CELF2: variants seen among roughly 807,000 people sequenced by gnomAD.
CELF2 encodes the protein CUG triplet repeat RNA-binding protein 2.
In CELF2, 8 loss-of-function variants were observed where a neutral mutation model predicts 62.6. The ratio of observed to expected loss-of-function variants is 0.13; its 90% CI spans 0.07 to 0.23. The LOEUF (loss-of-function observed/expected upper bound fraction) is 0.23, where lower values mean the gene tolerates loss of function less well. Among genes scored for constraint, CELF2 ranks in the 10% least tolerant of loss-of-function variants. CELF2 has a pLI of 1.00. For synonymous variants in CELF2, 258 were observed against 250.0 expected (o/e 1.03, Z -0.30); for missense variants, 333 against 671.0 (o/e 0.50, Z 5.56).
chr10:11,007,242 A>G (rs1376774059), intron 1 of CELF2, among the ~76,000 whole-genome samples: 1 of 152,194 alleles, frequency 6.6e-6, no homozygotes, highest in Non-Finnish European at 1.5e-5. Context: ...AATATTCCCT[A>G]TTGGATTATA....
chr10:10,618,686 G>A, the CELF2 span, among the ~76,000 whole-genome samples: 591 of 152,218 alleles, frequency 3.9e-3, 7 homozygotes, highest in African/African-American at 0.013. Flanking sequence ...AAGCAGCATC[G>A]TTGTCTGGAG....
intron 1 of CELF2, among the ~76,000 whole-genome samples, chr10:11,104,067 G>A (rs571610564): frequency 2.0e-5 from 3 of 152,144 alleles, no homozygotes; most frequent in East Asian, 3.9e-4. Context: ...TTAGTATTTG[G>A]TCTCCAGCAT....
At chr10:11,245,035 T>G (rs1190510971) in intron 3 of CELF2, among the ~76,000 whole-genome samples, 1 of 152,180 alleles carries the variant, frequency 6.6e-6, no homozygotes, top group African/African-American at 2.4e-5. Context: ...GAACCCCTTC[T>G]CATCCTCCTC....
the CELF2 span, among the ~76,000 whole-genome samples, chr10:10,685,557 G>C: frequency 1.3e-5 from 2 of 152,186 alleles, no homozygotes; most frequent in Non-Finnish European, 1.5e-5. Flanking sequence ...AGATTGCAAA[G>C]TCCATACACA....
At chr10:11,128,430 T>C (rs982550079) in intron 1 of CELF2, among the ~76,000 whole-genome samples, 2 of 152,212 alleles carry the variant, frequency 1.3e-5, no homozygotes, top group Non-Finnish European at 2.9e-5. Flanking sequence ...ATTGGTAGCT[T>C]GATGGGGATG....
intron 2 of CELF2, among the ~76,000 whole-genome samples, chr10:11,183,318 G>A (rs61830886): frequency 0.052 from 7,990 of 152,276 alleles, 305 homozygotes; most frequent in Non-Finnish European, 0.079. Context: ...TCATAGAATG[G>A]AGGTACCACA....
At chr10:10,749,758 G>A in the CELF2 span, among the ~76,000 whole-genome samples, 1 of 152,188 alleles carries the variant, frequency 6.6e-6, no homozygotes, top group South Asian at 2.1e-4. Flanking sequence ...TAGTAAAAAT[G>A]TTCATGATTG....
chr10:10,701,279 C>T, the CELF2 span, among the ~76,000 whole-genome samples: 1 of 152,226 alleles, frequency 6.6e-6, no homozygotes, highest in African/African-American at 2.4e-5. Context: ...AACCCAAACA[C>T]AGAAAGAGAT....
chr10:10,627,804 C>T, the CELF2 span, among the ~76,000 whole-genome samples: 5 of 152,226 alleles, frequency 3.3e-5, no homozygotes, highest in Non-Finnish European at 7.3e-5. Context: ...CTGTTTTTCA[C>T]TTTCTACCAG....
the CELF2 span, among the ~76,000 whole-genome samples, chr10:10,466,840 G>A: frequency 6.6e-6 from 1 of 152,088 alleles, no homozygotes; most frequent in East Asian, 1.9e-4. Context: ...ATTGGCTTAT[G>A]GTAAAGTATC....
chr10:10,619,948 A>G, the CELF2 span, among the ~76,000 whole-genome samples: 1 of 152,162 alleles, frequency 6.6e-6, no homozygotes. Context: ...CACTTGCCCT[A>G]AGAGGTAAAA....
chr10:10,880,077 C>A (rs181677625), intron 1 of CELF2, among the ~76,000 whole-genome samples: 1 of 152,150 alleles, frequency 6.6e-6, no homozygotes, highest in Non-Finnish European at 1.5e-5. Context: ...GGGTAAGAAA[C>A]GGTTCCTCTC....
chr10:11,137,368 T>C (rs1217192715), intron 1 of CELF2, among the ~76,000 whole-genome samples: 3 of 152,188 alleles, frequency 2.0e-5, no homozygotes, highest in Non-Finnish European at 4.4e-5. Context: ...GGCATATTCT[T>C]TGGGAGTTGG....
At chr10:10,998,941 C>T (rs1408080670) in intron 2 of CELF2, among the ~76,000 whole-genome samples, 1 of 152,142 alleles carries the variant, frequency 6.6e-6, no homozygotes, top group African/African-American at 2.4e-5. Context: ...CAAACTTTAG[C>T]ATTTATGGAA....
chr10:10,703,279 G>A, the CELF2 span, among the ~76,000 whole-genome samples: 1 of 152,198 alleles, frequency 6.6e-6, no homozygotes, highest in South Asian at 2.1e-4. Flanking sequence ...GGAAACCTGA[G>A]TTGGGAGATT....
At position 11,263,108 on chromosome 10, in the gene CELF2, G is replaced by A. The variant is rs371341635; in HGVS notation, c.539-3490G>A. Among the ~76,000 whole-genome samples the A allele has an allele frequency of 2.2e-4, 33 of 152,016 alleles. No homozygotes were observed. The East Asian group carries it at 3.5e-3, about 16-fold the overall frequency. On this transcript the variant is annotated intron_variant, in intron 5 of 12. Transcript: ENST00000633077. The stretch of plus-strand genomic sequence containing the variant: ...AAAATCTTCTCTGTGACAGGGCTAC[G>A]TGCTTTCCTTAGATCTTGTCTGTAG...
In CELF2 at chr10:11,155,009, G is replaced by A. The variant is rs551054793; in HGVS notation, c.75-10477G>A. ...GCAAATTAGATGGTACACAAATCTC[G>A]ACATTTGATACGCCACTGTGTGAAA... On this transcript the variant is annotated intron_variant, in intron 1 of 12. Coordinates refer to ENST00000633077, the MANE Select transcript of CELF2 (RefSeq NM_001326342.2). Among the ~76,000 whole-genome samples, 141 of 152,268 alleles carry A rather than the reference G, an allele frequency of 9.3e-4. 2 individuals carry two copies. Among genetic ancestry groups the A allele is most frequent in the African/African-American group, 3.3e-3 (136 of 41,560 alleles).
At chr10:10,586,759 G>A in the CELF2 span, among the ~76,000 whole-genome samples, 8 of 152,086 alleles carry the variant, frequency 5.3e-5, no homozygotes, top group African/African-American at 1.9e-4. Context: ...ACAGATCTCA[G>A]AACCCATCTC....
At chr10:11,265,196 C>A in intron 5 of CELF2, among the ~76,000 whole-genome samples, 1 of 152,138 alleles carries the variant, frequency 6.6e-6, no homozygotes, top group Non-Finnish European at 1.5e-5. Flanking sequence ...AAACAATCTG[C>A]TGGTTGTTTG....
Sources: allele counts gnomAD v4.1 joint callset (sites outside exome capture counted in the v4.1 genomes callset), GRCh38; gene constraint gnomAD v4.1.1; transcripts MANE v1.5; gene names NCBI Gene and HGNC (gene_info 2026-07-23, HGNC 2026-07-21).